RBFOX1: variants seen among roughly 807,000 people sequenced by gnomAD.
RBFOX1 encodes the protein RNA binding fox-1 homolog 1.
Under a neutral mutation model 57.7 loss-of-function variants are expected in RBFOX1, and 8 were observed. The observed-to-expected ratio is 0.14, with a 90% CI of 0.08 to 0.25. The LOEUF (loss-of-function observed/expected upper bound fraction) is 0.25. Among genes scored for constraint, RBFOX1 ranks in the 10% least tolerant of loss-of-function variants. The probability of loss-of-function intolerance (pLI) is 1.00; values close to 1 mark genes in which losing one functional copy is unlikely to be tolerated. For synonymous variants in RBFOX1, 326 were observed against 222.4 expected (o/e 1.47, Z -4.15); for missense variants, 611 against 548.5 (o/e 1.11, Z -1.14).
intron 1 of RBFOX1, among the ~76,000 whole-genome samples, chr16:6,232,523 G>C (rs561872583): frequency 6.6e-6 from 1 of 152,280 alleles, no homozygotes; most frequent in Admixed American, 6.5e-5. Context: ...GATCGTTTCT[G>C]CTCCACCCTT....
At chr16:6,619,178 AAAC>A (rs1447442318) in intron 2 of RBFOX1, among the ~76,000 whole-genome samples, 2 of 152,116 alleles carry the variant, frequency 1.3e-5, no homozygotes, top group Non-Finnish European at 2.9e-5. Flanking sequence ...AGAAAAAAAA[AAAC>A]AACTTCTGAT....
chr16:7,122,692 A>G (rs181855167), intron 4 of RBFOX1, among the ~76,000 whole-genome samples: 193 of 152,272 alleles, frequency 1.3e-3, no homozygotes, highest in Non-Finnish European at 2.1e-3. Context: ...TATGCTTATC[A>G]TAGAGCCTAG....
At chr16:6,283,976 C>G (rs1422479679) in intron 1 of RBFOX1, among the ~76,000 whole-genome samples, 1 of 152,152 alleles carries the variant, frequency 6.6e-6, no homozygotes, top group African/African-American at 2.4e-5. Flanking sequence ...GCAGAAAGTT[C>G]CTTTTTCGTG....
At chr16:7,131,914 G>A (rs1020936684) in intron 4 of RBFOX1, among the ~76,000 whole-genome samples, 3 of 151,926 alleles carry the variant, frequency 2.0e-5, no homozygotes, top group African/African-American at 7.3e-5. Context: ...GTATCTTAAA[G>A]AAGTGGTTCT....
At chr16:6,811,502 G>T (rs1040906136) in intron 3 of RBFOX1, among the ~76,000 whole-genome samples, 1 of 152,162 alleles carries the variant, frequency 6.6e-6, no homozygotes, top group Non-Finnish European at 1.5e-5. Flanking sequence ...ATGTTTAAGT[G>T]ATTATGTAGC....
At chr16:6,384,920 C>G (rs1442927668) in intron 2 of RBFOX1, among the ~76,000 whole-genome samples, 4 of 152,278 alleles carry the variant, frequency 2.6e-5, no homozygotes, top group Admixed American at 2.0e-4. Context: ...GGCAGCCTCT[C>G]TTAAGAAACT....
intron 3 of RBFOX1, among the ~76,000 whole-genome samples, chr16:6,915,637 G>C (rs999727886): frequency 2.1e-5 from 3 of 145,044 alleles, no homozygotes; most frequent in African/African-American, 7.7e-5. Flanking sequence ...TGCAACCTCT[G>C]CCTCTCGGGT....
intron 3 of RBFOX1, among the ~76,000 whole-genome samples, chr16:5,637,961 A>T (rs1050187097): frequency 6.6e-6 from 1 of 152,244 alleles, no homozygotes; most frequent in African/African-American, 2.4e-5. Context: ...CAGTGTTCTC[A>T]AGTATTTCTA....
chr16:7,096,069 G>T (rs966713832), intron 4 of RBFOX1, among the ~76,000 whole-genome samples: 6 of 151,534 alleles, frequency 4.0e-5, no homozygotes, highest in Non-Finnish European at 8.8e-5. Flanking sequence ...AGCATCTAAT[G>T]CATGAGATAT....
chr16:7,540,844 G>T (rs1601347463), intron 5 of RBFOX1, among the ~76,000 whole-genome samples: 1 of 152,196 alleles, frequency 6.6e-6, no homozygotes, highest in African/African-American at 2.4e-5. Flanking sequence ...GCTCAGAGAA[G>T]TCTTATCACT....
intron 12 of RBFOX1, among the ~76,000 whole-genome samples, chr16:7,664,565 G>T (rs2068672407): frequency 6.6e-6 from 1 of 152,074 alleles, no homozygotes; most frequent in African/African-American, 2.4e-5. Flanking sequence ...GGGGCTATGT[G>T]GTTTGATTGC....
intron 3 of RBFOX1, among the ~76,000 whole-genome samples, chr16:6,686,935 T>C (rs1254461356): frequency 6.6e-6 from 1 of 152,220 alleles, no homozygotes; most frequent in Non-Finnish European, 1.5e-5. Context: ...TGTGTGTGTA[T>C]ATAGATTCTG....
At chr16:5,503,630 G>A (rs975185143) in intron 2 of RBFOX1, among the ~76,000 whole-genome samples, 1 of 152,138 alleles carries the variant, frequency 6.6e-6, no homozygotes, top group Non-Finnish European at 1.5e-5. Context: ...TTGTAGTAGA[G>A]ATGAGGTTTC....
intron 1 of RBFOX1, among the ~76,000 whole-genome samples, chr16:6,100,644 C>T (rs1230754991): frequency 6.6e-6 from 1 of 152,120 alleles, no homozygotes; most frequent in Non-Finnish European, 1.5e-5. Context: ...TAGTAGGGTC[C>T]ATACTTTCCA....
chr16:5,401,760 TCTCTCTCCTCCTCCTCCTC>T (rs1026311934), intron 1 of RBFOX1, among the ~76,000 whole-genome samples: 23 of 115,156 alleles, frequency 2.0e-4, no homozygotes, highest in Admixed American at 9.8e-4. Context: ...TCTCTCCCTG[TCTCTCTCCTCCTCCTCCTC>T]CTCCTCCTCC....
chr16:6,768,998 G>C (rs896011473), intron 3 of RBFOX1, among the ~76,000 whole-genome samples: 2 of 152,020 alleles, frequency 1.3e-5, no homozygotes, highest in Non-Finnish European at 2.9e-5. Context: ...AAGTGTTGAG[G>C]TTACTGGCGT....
intron 2 of RBFOX1, among the ~76,000 whole-genome samples, chr16:6,322,980 T>C (rs1455249164): frequency 6.6e-6 from 1 of 152,172 alleles, no homozygotes; most frequent in East Asian, 1.9e-4. Context: ...ACATTTCCCC[T>C]ATGAATATCT....
At chr16:6,928,608 C>G (rs990827825) in intron 3 of RBFOX1, among the ~76,000 whole-genome samples, 1 of 152,130 alleles carries the variant, frequency 6.6e-6, no homozygotes, top group Admixed American at 6.5e-5. Flanking sequence ...TACAGTTACC[C>G]TGTAGCTCCC....
chr16:6,947,091 A>AAG (rs2079687192), intron 3 of RBFOX1, among the ~76,000 whole-genome samples: 1 of 152,190 alleles, frequency 6.6e-6, no homozygotes. Flanking sequence ...GAGAATAGTT[A>AAG]AGAGGATTTA....
Sources: allele counts gnomAD v4.1 joint callset (sites outside exome capture counted in the v4.1 genomes callset), GRCh38; gene constraint gnomAD v4.1.1; transcripts MANE v1.5; gene names NCBI Gene and HGNC (gene_info 2026-07-23, HGNC 2026-07-21).